The following TNR variants were observed in gnomAD, a reference collection of about 807,000 sequenced individuals.
TNR encodes the protein tenascin-R.
A neutral mutation model predicts 150.4 loss-of-function variants in TNR; 45 were observed. That is an observed-to-expected ratio of 0.30 (90% CI 0.24 to 0.38). The LOEUF (loss-of-function observed/expected upper bound fraction) is 0.38. Ranked by LOEUF, TNR falls within the 10% of genes least tolerant of loss-of-function variation. TNR has a pLI of 1.00. For synonymous variants in TNR, 687 were observed against 678.4 expected (o/e 1.01, Z -0.20); for missense variants, 1,544 against 1,759.1 (o/e 0.88, Z 2.19).
chr1:175,374,899 G>A (rs1458083121), intron 9 of TNR, among the ~76,000 whole-genome samples: 1 of 152,190 alleles, frequency 6.6e-6, no homozygotes, highest in Non-Finnish European at 1.5e-5. Flanking sequence ...CGGATCCTAA[G>A]CTTCTGTTCA....
At position 175,453,209 on chromosome 1, in the gene TNR, G is replaced by T. The variant is rs115703124; in HGVS notation, c.-63-46432C>A. 8.2e-3 allele frequency among the ~76,000 whole-genome samples: 1,246 copies of T among 152,242 alleles called. 10 individuals carry two copies. Among genetic ancestry groups the T allele is most frequent in the South Asian group, 0.014 (66 of 4,806 alleles). On this transcript the variant is annotated intron_variant, in intron 2 of 22. Transcript: ENST00000367674. ...GAGAGACAAAGGAAAGGATGAAAAC[G>T]ATACTTACAGAAAAGTTGCAAGAAT...
chr1:175,352,688 G>A (rs1316150792), intron 18 of TNR, among the ~76,000 whole-genome samples: 1 of 152,182 alleles, frequency 6.6e-6, no homozygotes, highest in Non-Finnish European at 1.5e-5. Flanking sequence ...ATGTCTGTTT[G>A]TGTACCCAAG....
chr1:175,481,676 T>C (rs1236165740), intron 2 of TNR, among the ~76,000 whole-genome samples: 1 of 152,116 alleles, frequency 6.6e-6, no homozygotes, highest in East Asian at 1.9e-4. Flanking sequence ...CATGGAGGGA[T>C]TGACCATTGG....
intron 1 of TNR, among the ~76,000 whole-genome samples, chr1:175,627,351 C>T (rs6663294): frequency 0.029 from 4,396 of 152,256 alleles, 133 homozygotes; most frequent in African/African-American, 0.073. Context: ...AACTTGTTCT[C>T]ATTTATAAAA....
intron 9 of TNR, among the ~76,000 whole-genome samples, chr1:175,376,776 T>G (rs1008263956): frequency 2.0e-5 from 3 of 151,814 alleles, no homozygotes; most frequent in Non-Finnish European, 4.4e-5. Context: ...AATCCCTTCT[T>G]AAATTATGTT....
chr1:175,651,966 T>A (rs1352720323), intron 1 of TNR, among the ~76,000 whole-genome samples: 4 of 151,034 alleles, frequency 2.6e-5, no homozygotes, highest in Non-Finnish European at 5.9e-5. Context: ...ATTATTATTT[T>A]AATATATTCA....
intron 1 of TNR, among the ~76,000 whole-genome samples, chr1:175,548,936 G>T (rs2013731): frequency 2.6e-5 from 4 of 152,050 alleles, no homozygotes; most frequent in Non-Finnish European, 5.9e-5. Flanking sequence ...ACAACAACTA[G>T]CACTGGGATC....
chr1:175,689,114 G>A (rs1283423139), intron 1 of TNR, among the ~76,000 whole-genome samples: 8 of 152,284 alleles, frequency 5.3e-5, no homozygotes, highest in Admixed American at 2.6e-4. Context: ...GGACCACGTC[G>A]GAAACCCTCC....
At position 175,710,025 on chromosome 1, in the gene TNR, T is replaced by C. The variant is rs946067671; in HGVS notation, c.-165+33201A>G. On this transcript the variant is annotated intron_variant, in intron 1 of 22. Coordinates refer to ENST00000367674, the MANE Select transcript of TNR (RefSeq NM_003285.3). Reference sequence around the variant, plus strand: ...TTATTCTAAGAACAATGAGATACTATTGATGGGTTTTCATAGGAAAAAGTA... The same window carrying C: ...TTATTCTAAGAACAATGAGATACTACTGATGGGTTTTCATAGGAAAAAGTA... 6.6e-5 allele frequency among the ~76,000 whole-genome samples: 10 copies of C among 152,168 alleles called. No individual in the cohort carries two copies. In the South Asian group the frequency reaches 1.2e-3, roughly 19 times the overall value.
At chr1:175,707,167 A>G (rs1206693742) in intron 1 of TNR, among the ~76,000 whole-genome samples, 1 of 152,222 alleles carries the variant, frequency 6.6e-6, no homozygotes, top group African/African-American at 2.4e-5. Context: ...TATGCCCTAG[A>G]GCACTTTAAA....
At chr1:175,499,662 A>G (rs1161588281) in intron 2 of TNR, among the ~76,000 whole-genome samples, 1 of 152,046 alleles carries the variant, frequency 6.6e-6, no homozygotes, top group Non-Finnish European at 1.5e-5. Flanking sequence ...CAAGCAAATT[A>G]CTCCTTGTAA....
chr1:175,598,533 A>T (rs1663095459), intron 1 of TNR, among the ~76,000 whole-genome samples: 1 of 152,258 alleles, frequency 6.6e-6, no homozygotes. Flanking sequence ...GGACGTGGGC[A>T]TGAATACATG....
chr1:175,499,533 T>C (rs1658640028), intron 2 of TNR, among the ~76,000 whole-genome samples: 1 of 152,102 alleles, frequency 6.6e-6, no homozygotes, highest in Non-Finnish European at 1.5e-5. Flanking sequence ...ACACCCTCCC[T>C]TCTGGAACAA....
rs1249143217 is a variant in TNR at position 175,676,429 on chromosome 1, G to A, written c.-165+66797C>T. On this transcript the variant is annotated intron_variant, in intron 1 of 22. Transcript: ENST00000367674. ...AACTGTCCCTCCAGAGAAAGGCCAG[G>A]GCACCTCCCAGCTAACCTGGTGAGT... Among the ~76,000 whole-genome samples, 3 of 152,122 alleles carry A rather than the reference G, an allele frequency of 2.0e-5. 1 individual carries two copies. Among genetic ancestry groups the A allele is most frequent in the Non-Finnish European group, 4.4e-5 (3 of 68,028 alleles).
intron 2 of TNR, among the ~76,000 whole-genome samples, chr1:175,485,458 G>T (rs1013072798): frequency 3.9e-5 from 6 of 152,162 alleles, no homozygotes; most frequent in African/African-American, 1.4e-4. Flanking sequence ...AGGAGAAAGG[G>T]TTTGGGGTGG....
At chr1:175,728,181 C>G (rs1667531635) in intron 1 of TNR, among the ~76,000 whole-genome samples, 1 of 152,122 alleles carries the variant, frequency 6.6e-6, no homozygotes, top group South Asian at 2.1e-4. Context: ...ATGGTGGACT[C>G]TAAGCCTCGT....
chr1:175,458,379 AG>A (rs2102101736), intron 2 of TNR, among the ~76,000 whole-genome samples: 2 of 152,358 alleles, frequency 1.3e-5, no homozygotes, highest in South Asian at 4.1e-4. Context: ...GGATTTAAGA[AG>A]GACAAGGCAT....
intron 2 of TNR, among the ~76,000 whole-genome samples, chr1:175,488,677 C>T (rs1658114361): frequency 6.6e-6 from 1 of 152,202 alleles, no homozygotes; most frequent in Non-Finnish European, 1.5e-5. Context: ...CCCCAGCTGC[C>T]ACCGAAGTTC....
intron 2 of TNR, among the ~76,000 whole-genome samples, chr1:175,451,825 G>A (rs760289524): frequency 1.3e-5 from 2 of 152,288 alleles, no homozygotes; most frequent in East Asian, 1.9e-4. Flanking sequence ...AGACTAATGC[G>A]TTCTCTCCTT....
Sources: allele counts gnomAD v4.1 joint callset (sites outside exome capture counted in the v4.1 genomes callset), GRCh38; gene constraint gnomAD v4.1.1; transcripts MANE v1.5; gene names NCBI Gene and HGNC (gene_info 2026-07-23, HGNC 2026-07-21).